ZBTB7C: variants seen among roughly 807,000 people sequenced by gnomAD.
ZBTB7C encodes zinc finger and BTB domain containing 7C, also known as zinc finger and BTB domain-containing protein 7C.
ZBTB7C carries 8 observed loss-of-function variants against 25.7 expected under a neutral mutation model. The observed-to-expected ratio is 0.31, with a 90% CI of 0.18 to 0.56. The LOEUF is 0.56. ZBTB7C is among the 20% of genes least tolerant of loss of function. ZBTB7C has a pLI of 0.91. For missense variants in ZBTB7C, 824 were observed against 855.2 expected (o/e 0.96, Z 0.46); for synonymous variants, 394 against 369.0 (o/e 1.07, Z -0.78).
chr18:48,383,343 G>A (rs1275258942), intron 1 of ZBTB7C, among the ~76,000 whole-genome samples: 1 of 152,112 alleles, frequency 6.6e-6, no homozygotes, highest in Non-Finnish European at 1.5e-5. Context: ...TCGGCTCACT[G>A]CAGCCTCGAC....
chr18:48,093,338 G>C (rs2038491053), intron 3 of ZBTB7C, among the ~76,000 whole-genome samples: 1 of 152,208 alleles, frequency 6.6e-6, no homozygotes. Context: ...TACTGGCAAT[G>C]CCACTGGCAG....
At chr18:48,250,790 T>C (rs1390942190) in intron 2 of ZBTB7C, among the ~76,000 whole-genome samples, 1 of 152,112 alleles carries the variant, frequency 6.6e-6, no homozygotes, top group Non-Finnish European at 1.5e-5. Flanking sequence ...TTTTTTTTTT[T>C]TTATATCCAG....
intron 3 of ZBTB7C, among the ~76,000 whole-genome samples, chr18:48,060,494 C>T (rs1482145491): frequency 1.3e-5 from 2 of 152,126 alleles, no homozygotes; most frequent in Non-Finnish European, 2.9e-5. Flanking sequence ...TCCTGCCTGC[C>T]TCCTGCTGGT....
chr18:48,107,290 T>G (rs2039067170), intron 3 of ZBTB7C, among the ~76,000 whole-genome samples: 2 of 144,698 alleles, frequency 1.4e-5, no homozygotes, highest in South Asian at 2.3e-4. Flanking sequence ...TAGAGGAAGA[T>G]TGAGGAGGAG....
chr18:48,174,277 G>A (rs890637599), intron 3 of ZBTB7C, among the ~76,000 whole-genome samples: 1 of 151,814 alleles, frequency 6.6e-6, no homozygotes. Context: ...AATAGCAAAT[G>A]GACAAGATAT....
In ZBTB7C at chr18:48,029,638, CCCGAA is replaced by C; in HGVS notation, c.1477_1481del (p.Phe493AlafsTer73). 1 of 1,527,194 alleles carries C rather than the reference CCCGAA, an allele frequency of 6.5e-7. No individual in the cohort carries two copies. Among genetic ancestry groups the C allele is most frequent in the Non-Finnish European group, 8.7e-7 (1 of 1,145,482 alleles). The allele number at this position is 1,527,194 out of a possible 1,614,324, so 94.6% of individuals were successfully genotyped here. A position where few individuals can be genotyped will look rare whatever the true frequency, so the allele number is the denominator to read the frequency against. On this transcript the variant is annotated frameshift_variant, in exon 5 of 5. Coordinates refer to ENST00000590800, the MANE Select transcript of ZBTB7C (RefSeq NM_001318841.2). LOFTEE classifies it low-confidence loss of function (END_TRUNC). ...CCTTGTCGGGGGCCGGGCCGCCGGG[CCCGAA>C]GAGCAGGCTGGCGGCCCTCCACGCA...
intron 2 of ZBTB7C, among the ~76,000 whole-genome samples, chr18:48,230,054 T>A (rs1364535685): frequency 6.6e-6 from 1 of 152,172 alleles, no homozygotes; most frequent in African/African-American, 2.4e-5. Context: ...TAGTTTGCAT[T>A]TTCTAAATAA....
At chr18:48,222,172 C>T (rs1037423567) in intron 2 of ZBTB7C, among the ~76,000 whole-genome samples, 1 of 152,052 alleles carries the variant, frequency 6.6e-6, no homozygotes, top group African/African-American at 2.4e-5. Context: ...CTATCCTGTC[C>T]CTGGTGTCCC....
At chr18:48,055,808 G>T (rs1055108624) in intron 3 of ZBTB7C, among the ~76,000 whole-genome samples, 3 of 152,100 alleles carry the variant, frequency 2.0e-5, no homozygotes, top group Non-Finnish European at 2.9e-5. Context: ...TCGTCGTCTT[G>T]CTCTGCGATT....
chr18:48,087,912 C>T (rs1035711895), intron 3 of ZBTB7C: 1 of 151,808 alleles, frequency 6.6e-6, no homozygotes, highest in Non-Finnish European at 1.5e-5. Context: ...CCTTTTCCTC[C>T]ATTTAACCTC....
chr18:48,121,204 A>G (rs1243034864), intron 3 of ZBTB7C, among the ~76,000 whole-genome samples: 3 of 152,198 alleles, frequency 2.0e-5, no homozygotes, highest in Admixed American at 6.5e-5. Context: ...AATTGTGGGT[A>G]GGGGAGGAAG....
chr18:48,054,204 G>A (rs1441441776), intron 3 of ZBTB7C, among the ~76,000 whole-genome samples: 2 of 152,176 alleles, frequency 1.3e-5, no homozygotes, highest in African/African-American at 4.8e-5. Flanking sequence ...GGAAGGTTCT[G>A]GATAGGAGAA....
chr18:48,103,025 T>TTA (rs1055757491), intron 3 of ZBTB7C, among the ~76,000 whole-genome samples: 46 of 147,374 alleles, frequency 3.1e-4, no homozygotes, highest in East Asian at 2.1e-3. Flanking sequence ...TGTGGATATA[T>TTA]TATATATATA....
chr18:48,281,013 C>A (rs1226655774), intron 2 of ZBTB7C, among the ~76,000 whole-genome samples: 1 of 152,000 alleles, frequency 6.6e-6, no homozygotes, highest in Non-Finnish European at 1.5e-5. Context: ...GCCACCATGC[C>A]CAGCTAATTT....
chr18:48,059,689 C>G (rs2037052344), intron 3 of ZBTB7C, among the ~76,000 whole-genome samples: 1 of 152,158 alleles, frequency 6.6e-6, no homozygotes, highest in Non-Finnish European at 1.5e-5. Context: ...GCGACAGCCT[C>G]CCTTTCAGCT....
At chr18:48,189,251 C>A (rs557238030) in intron 2 of ZBTB7C, among the ~76,000 whole-genome samples, 1 of 152,258 alleles carries the variant, frequency 6.6e-6, no homozygotes, top group African/African-American at 2.4e-5. Context: ...TCAATGTGTG[C>A]AATAAACAAT....
chr18:48,101,225 C>T (rs1459609626), intron 3 of ZBTB7C, among the ~76,000 whole-genome samples: 1 of 152,182 alleles, frequency 6.6e-6, no homozygotes, highest in Non-Finnish European at 1.5e-5. Context: ...CTACCCTTGG[C>T]GTTCTCAGGC....
At chr18:48,363,730 T>C (rs2047162634) in intron 1 of ZBTB7C, among the ~76,000 whole-genome samples, 1 of 152,184 alleles carries the variant, frequency 6.6e-6, no homozygotes, top group East Asian at 1.9e-4. Flanking sequence ...TGTATTCTTT[T>C]TAATATTAAA....
intron 3 of ZBTB7C, among the ~76,000 whole-genome samples, chr18:48,076,016 G>T (rs1050829161): frequency 2.0e-4 from 31 of 152,204 alleles, no homozygotes; most frequent in African/African-American, 6.8e-4. Context: ...CCCTTAACTT[G>T]TTCCTCCCCA....
Sources: gnomAD v4.1 joint callset for allele counts (sites outside exome capture counted in the v4.1 genomes callset) on GRCh38, gnomAD v4.1.1 for gene constraint, MANE v1.5 for transcripts, NCBI Gene and HGNC (gene_info 2026-07-23, HGNC 2026-07-21) for gene names.